CAPN9: variants seen among roughly 807,000 people sequenced by gnomAD.
The protein encoded by CAPN9 is calpain 9.
CAPN9 carries 81 observed loss-of-function variants against 92.8 expected under a neutral mutation model. That is an observed-to-expected ratio of 0.87 (90% confidence interval 0.73 to 1.05). The LOEUF is 1.05. Among genes scored for constraint, CAPN9 ranks in the 50% least tolerant of loss-of-function variants. The pLI is 0.00. For missense variants in CAPN9, 848 were observed against 866.2 expected, an observed-to-expected ratio of 0.98 and a Z score of 0.26; for synonymous variants, 304 against 328.0, an observed-to-expected ratio of 0.93 and a Z score of 0.79.
intron 4 of CAPN9, among the ~76,000 whole-genome samples, chr1:230,765,867 C>G (rs73104671): frequency 6.6e-6 from 1 of 152,018 alleles, no homozygotes; most frequent in Non-Finnish European, 1.5e-5. Context: ...TTTCATGCGG[C>G]CTTCACATAA....
chr1:230,765,309 C>T (rs1665915392), intron 4 of CAPN9, among the ~76,000 whole-genome samples: 2 of 151,216 alleles, frequency 1.3e-5, no homozygotes, highest in South Asian at 4.2e-4. Flanking sequence ...GAGCTCCAAA[C>T]AGCCAAAGCT....
intron 4 of CAPN9, among the ~76,000 whole-genome samples, chr1:230,764,748 A>G (rs1419084036): frequency 6.6e-6 from 1 of 152,244 alleles, no homozygotes; most frequent in Non-Finnish European, 1.5e-5. Context: ...CGGATGGTGG[A>G]TGGCGGGAGC....
At chr1:230,790,707 G>A (rs1475806918) in intron 14 of CAPN9, among the ~76,000 whole-genome samples, 1 of 152,188 alleles carries the variant, frequency 6.6e-6, no homozygotes, top group Admixed American at 6.5e-5. Flanking sequence ...TTGGGAGGCC[G>A]AGACAGGCGG....
At position 230,774,615 on chromosome 1, in the gene CAPN9, G is replaced by C. The variant is rs781118732; in HGVS notation, c.937G>C (p.Asp313His). Reference protein sequence around the residue: ...EQKRLCHTALDDGEFWMAFKD... With the variant: ...EQKRLCHTALHDGEFWMAFKD... ...GAAGCGTCTGTGTCACACTGCTCTG[G>C]ATGATGGGGAATTCTGGTACCGTGC... The change falls in exon 8 of 20, where the codon GAT becomes CAT. Residue 313 changes from aspartate to histidine, a missense_variant. Asp to His is a moderately conservative substitution (Grantham distance 81). Transcript: ENST00000271971. 7 of 1,613,624 alleles carry C rather than the reference G, an allele frequency of 4.3e-6. No homozygotes were observed. In the Admixed American group the frequency reaches 1.2e-4, roughly 27 times the overall value.
chr1:230,772,862 CTG>C lies in CAPN9; in HGVS notation c.875+771_875+772del, dbSNP rs28359658. On this transcript the variant is annotated intron_variant, in intron 7 of 19. Transcript: ENST00000271971. ...AGTTATCAAGAAAGGTCTGCCTTTT[CTG>C]TGTGTGTCCCCACAGCTCCTCCAGC... is the stretch of plus-strand genomic sequence containing the variant. Among the ~76,000 whole-genome samples, 640 of 151,428 alleles carry C rather than the reference CTG, an allele frequency of 4.2e-3. 3 individuals are homozygous for C. Among genetic ancestry groups the C allele is most frequent in the African/African-American group, 0.015 (617 of 41,262 alleles).
Position 230,750,243 on chromosome 1 carries a change from C to A in CAPN9, c.213+2534C>A, listed in dbSNP as rs577666494. On this transcript the variant is annotated intron_variant, in intron 1 of 19. Coordinates refer to ENST00000271971, the MANE Select transcript of CAPN9 (RefSeq NM_006615.3). ...CCCAGCCCATGCCCCTGTACCAGCC[C>A]TCTGTCCCTTCTTCATCCCACTGTC... 3.3e-5 allele frequency among the ~76,000 whole-genome samples: 5 copies of A among 152,340 alleles called. No individual in the cohort carries two copies. In the South Asian group the frequency reaches 1.0e-3, roughly 32 times the overall value.
In CAPN9 at chr1:230,779,054, G is replaced by A. The variant is rs1436973647; in HGVS notation, c.1035G>A (p.Ala345=). The change falls in exon 9 of 20, where the codon GCG becomes GCA. Residue 345 remains alanine (A), a synonymous_variant. Transcript: ENST00000271971. ...NLTPDALEED[A]IHKWEVTVHQ... ...CTCCCGATGCCCTGGAGGAAGACGC[G>A]ATCCACAAATGGGAGGTGACGGTCC... The A allele has an allele frequency of 9.9e-6, 16 of 1,613,696 alleles. No homozygotes were observed. The highest frequency in any genetic ancestry group is 2.2e-5 in the East Asian group (1 of 44,848).
At chr1:230,751,855 G>A (rs1664864122) in intron 1 of CAPN9, among the ~76,000 whole-genome samples, 1 of 149,090 alleles carries the variant, frequency 6.7e-6, no homozygotes, top group South Asian at 2.2e-4. Context: ...GGGCTGTGGG[G>A]TGGGGGAGGG....
chr1:230,792,402 T>A (rs1212013603), intron 15 of CAPN9, 24 bp from the exon 16 acceptor site: 2 of 1,608,122 alleles, frequency 1.2e-6, no homozygotes, highest in Non-Finnish European at 1.7e-6. Context: ...ACTGCTCATG[T>A]CTCCCTTAAC....
chr1:230,779,588 A>T (rs1476006161), intron 9 of CAPN9, among the ~76,000 whole-genome samples: 3 of 152,068 alleles, frequency 2.0e-5, no homozygotes, highest in Non-Finnish European at 4.4e-5. Flanking sequence ...GCCCTCATTC[A>T]CACGAACAGC....
intron 15 of CAPN9, among the ~76,000 whole-genome samples, 194 bp from the exon 16 acceptor site, chr1:230,792,232 C>A (rs1015350085): frequency 1.6e-4 from 25 of 152,272 alleles, no homozygotes; most frequent in African/African-American, 6.0e-4. Context: ...CCGGGACCAC[C>A]CCCATTCCAC....
At chr1:230,762,827 G>A (rs2102854593) in intron 4 of CAPN9, 41 bp downstream of exon 4, 1 of 1,601,496 alleles carries the variant, frequency 6.2e-7, no homozygotes, top group Non-Finnish European at 8.5e-7. Flanking sequence ...CTCCCGACAG[G>A]AGTCTCTACA....
In CAPN9 at chr1:230,773,531, C is replaced by T. The variant is rs973709142; in HGVS notation, c.876-1023C>T. ...CCAAGGCTGGAATAAAATTTGTCTT[C>T]CACTCATGCAGCCTCCATGGGTGAT... is the stretch of plus-strand genomic sequence containing the variant. On this transcript the variant is annotated intron_variant, in intron 7 of 19. Coordinates refer to ENST00000271971, the MANE Select transcript of CAPN9 (RefSeq NM_006615.3). 2.7e-4 allele frequency among the ~76,000 whole-genome samples: 41 copies of T among 152,142 alleles called. 1 individual carries two copies. The highest frequency in any genetic ancestry group is 1.3e-4 in the Admixed American group (2 of 15,270).
At chr1:230,799,982 T>A (rs984613999) in intron 19 of CAPN9, among the ~76,000 whole-genome samples, 2 of 151,658 alleles carry the variant, frequency 1.3e-5, no homozygotes, top group Non-Finnish European at 2.9e-5. Flanking sequence ...ATCGAGACCA[T>A]CCTGGCTAAC....
intron 8 of CAPN9, among the ~76,000 whole-genome samples, chr1:230,778,344 C>T (rs753478884): frequency 5.9e-5 from 9 of 152,240 alleles, no homozygotes; most frequent in Non-Finnish European, 1.3e-4. Flanking sequence ...AACTTCCTAG[C>T]TGCCTCTCTG....
At chr1:230,773,758 C>T (rs1666545592) in intron 7 of CAPN9, among the ~76,000 whole-genome samples, 1 of 152,196 alleles carries the variant, frequency 6.6e-6, no homozygotes, top group Non-Finnish European at 1.5e-5. Context: ...CAGGTCCCGG[C>T]TGATCCTCCC....
intron 13 of CAPN9, 21 bp from the exon 14 acceptor site, chr1:230,790,111 C>T: frequency 6.3e-7 from 1 of 1,598,982 alleles, no homozygotes. Flanking sequence ...CTATAACAAA[C>T]AATTGTCTCC....
At chr1:230,774,740 T>TTTCTTTCTTTC (rs1491178068) in intron 8 of CAPN9, 109 bp downstream of exon 8, 36 of 80,766 alleles carry the variant, frequency 4.5e-4, no homozygotes, top group South Asian at 1.2e-3. Context: ...TCTTTCTTTC[T>TTTCTTTCTTTC]TTTTTTTTTT....
chr1:230,780,050 G>A (rs1667096908), intron 9 of CAPN9, 129 bp from the exon 10 acceptor site: 2 of 671,922 alleles, frequency 3.0e-6, no homozygotes, highest in African/African-American at 1.8e-5. Context: ...TGTTTGGTAG[G>A]ACATATAATG....
Sources: allele counts gnomAD v4.1 joint callset (sites outside exome capture counted in the v4.1 genomes callset), GRCh38; gene constraint gnomAD v4.1.1; transcripts MANE v1.5; gene names NCBI Gene and HGNC (gene_info 2026-07-23, HGNC 2026-07-21).